TRIT1: variants seen among roughly 807,000 people sequenced by gnomAD.
TRIT1 encodes tRNA isopentenyltransferase 1, also known as tRNA dimethylallyltransferase.
A neutral mutation model predicts 51.2 loss-of-function variants in TRIT1; 43 were observed. That is an observed-to-expected ratio of 0.84 (90% CI 0.66 to 1.08). The LOEUF is 1.08. Among genes scored for constraint, TRIT1 ranks in the 50% least tolerant of loss-of-function variants. The pLI, the probability that TRIT1 is intolerant of heterozygous loss-of-function variation, is 0.00. For missense variants in TRIT1, 528 were observed against 578.4 expected, an observed-to-expected ratio of 0.91 and a Z score of 0.89; for synonymous variants, 184 against 203.9, an observed-to-expected ratio of 0.90 and a Z score of 0.83.
chr1:39,860,597 G>A (rs576596903), intron 1 of TRIT1, among the ~76,000 whole-genome samples: 2 of 152,248 alleles, frequency 1.3e-5, no homozygotes, highest in African/African-American at 4.8e-5. Flanking sequence ...GTACATTAAA[G>A]TACAATAAAT....
At chr1:39,857,578 G>A (rs1489469819) in intron 1 of TRIT1, among the ~76,000 whole-genome samples, 161 bp from the exon 2 acceptor site, 2 of 152,104 alleles carry the variant, frequency 1.3e-5, no homozygotes, top group Non-Finnish European at 2.9e-5. Flanking sequence ...CCAGATCCAC[G>A]AAACCCAAAA....
intron 5 of TRIT1, among the ~76,000 whole-genome samples, chr1:39,848,696 G>A (rs1054467821): frequency 9.9e-5 from 15 of 151,596 alleles, no homozygotes; most frequent in African/African-American, 1.9e-4. Flanking sequence ...AGTGGCGCGC[G>A]CCTGTAATCC....
Position 39,875,360 on chromosome 1 carries a change from C to T in TRIT1, c.174+7958G>A, listed in dbSNP as rs145777430. On this transcript the variant is annotated intron_variant, in intron 1 of 10. Transcript: ENST00000316891. Reference sequence around the variant, plus strand: ...AAAATTAGCCAGGCGTGGTGGCATGCGTCTGTAATCCCAGCTACTCAGGAG... The same window carrying T: ...AAAATTAGCCAGGCGTGGTGGCATGTGTCTGTAATCCCAGCTACTCAGGAG... Among the ~76,000 whole-genome samples the T allele has an allele frequency of 5.1e-3, 779 of 152,042 alleles. 9 individuals are homozygous for T. The highest frequency in any genetic ancestry group is 0.031 in the Middle Eastern group (9 of 294).
chr1:39,854,046 T>C lies in TRIT1; in HGVS notation c.338A>G (p.Asp113Gly), dbSNP rs1642749984. The change falls in exon 3 of 11, where the codon GAC becomes GGC. Residue 113 changes from aspartate (D) to glycine (G), a missense_variant. Transcript: ENST00000316891. Reference sequence around the variant, plus strand: ...TCCTCCCACAACAATAGGAATTTTGTCTCGGGCAAATATATCTTCAATGTG... The same window carrying C: ...TCCTCCCACAACAATAGGAATTTTGCCTCGGGCAAATATATCTTCAATGTG... ...TALIEDIFAR[D>G]KIPIVVGGTN... is the part of the protein sequence containing the mutation. 1 of 1,611,204 alleles carries C rather than the reference T, an allele frequency of 6.2e-7. No homozygotes were observed. The highest frequency in any genetic ancestry group is 8.5e-7 in the Non-Finnish European group (1 of 1,178,818).
At chr1:39,877,564 T>C (rs1284711700) in intron 1 of TRIT1, among the ~76,000 whole-genome samples, 1 of 152,184 alleles carries the variant, frequency 6.6e-6, no homozygotes, top group Non-Finnish European at 1.5e-5. Flanking sequence ...CAGAACACTT[T>C]GTTTCTTTTC....
At chr1:39,868,441 G>A (rs975295605) in intron 1 of TRIT1, among the ~76,000 whole-genome samples, 24 of 149,938 alleles carry the variant, frequency 1.6e-4, no homozygotes, top group Non-Finnish European at 3.3e-4. Flanking sequence ...GCAGGACTTC[G>A]AGACCAGCCT....
chr1:39,863,926 GC>G (rs1464823904), intron 1 of TRIT1, among the ~76,000 whole-genome samples: 1 of 152,104 alleles, frequency 6.6e-6, no homozygotes, highest in Non-Finnish European at 1.5e-5. Flanking sequence ...GAGACATCTG[GC>G]AATGTCCAGG....
chr1:39,848,076 T>C lies in TRIT1; in HGVS notation c.725A>G (p.Lys242Arg). ...AGCAGCAAGCATGTCATCCACCCTC[T>C]TATCCAAGCGCTCATCTAGAACTTG... ...DQAVLDERLD[K>R]RVDDMLAAGL... The change falls in exon 6 of 11, where the codon AAG becomes AGG. Residue 242 changes from lysine to arginine, a missense_variant. Transcript: ENST00000316891. 1 of 1,614,146 alleles carries C rather than the reference T, an allele frequency of 6.2e-7. No homozygotes were observed. Among genetic ancestry groups the C allele is most frequent in the Non-Finnish European group, 8.5e-7 (1 of 1,180,018 alleles).
intron 6 of TRIT1, 124 bp downstream of exon 6, chr1:39,847,862 T>A (rs1642322980): frequency 1.5e-6 from 2 of 1,355,150 alleles, no homozygotes; most frequent in Non-Finnish European, 2.0e-6. Flanking sequence ...GTCTGAAAGA[T>A]TAAAAAACTG....
chr1:39,852,315 A>G (rs1007047113), intron 4 of TRIT1, among the ~76,000 whole-genome samples: 1 of 152,214 alleles, frequency 6.6e-6, no homozygotes, highest in African/African-American at 2.4e-5. Context: ...CTGATCTGTG[A>G]GACAGTTAAT....
rs1642327933 is a variant in TRIT1 at position 39,847,932 on chromosome 1, T to TTTGA, written c.815+50_815+53dup. The stretch of plus-strand genomic sequence containing the variant: ...AAAGCCAGTATTAGCGTTATGGTCT[T>TTTGA]TTGATTGTCTGCAAAATATGGACAG... On this transcript the variant is annotated intron_variant, in intron 6 of 10. Transcript: ENST00000316891. 1.6e-5 allele frequency: 25 copies of TTTGA among 1,539,664 alleles called. No individual in the cohort carries two copies. In the East Asian group the frequency reaches 5.6e-4, roughly 35 times the overall value.
intron 1 of TRIT1, among the ~76,000 whole-genome samples, chr1:39,874,691 G>C (rs1421643929): frequency 6.6e-6 from 1 of 150,632 alleles, no homozygotes; most frequent in African/African-American, 2.4e-5. Context: ...TTGAGATGGA[G>C]TTTCGCTCTT....
chr1:39,874,017 A>AAAAAAT (rs984975113), intron 1 of TRIT1, among the ~76,000 whole-genome samples: 19 of 152,248 alleles, frequency 1.2e-4, no homozygotes, highest in African/African-American at 4.1e-4. Context: ...CTCTGTCTCA[A>AAAAAAT]AAAAATAAAA....
chr1:39,869,305 G>A (rs1022727540), intron 1 of TRIT1, among the ~76,000 whole-genome samples: 12 of 152,224 alleles, frequency 7.9e-5, no homozygotes, highest in East Asian at 1.9e-4. Flanking sequence ...GGGTTTCGCC[G>A]TGTTGGCCGG....
At chr1:39,871,054 G>A (rs1020382203) in intron 1 of TRIT1, among the ~76,000 whole-genome samples, 3 of 152,158 alleles carry the variant, frequency 2.0e-5, no homozygotes, top group East Asian at 1.9e-4. Context: ...TTAGCTGGGC[G>A]TGGTCGCACA....
intron 8 of TRIT1, among the ~76,000 whole-genome samples, chr1:39,846,774 A>G (rs1381581972): frequency 6.6e-6 from 1 of 152,200 alleles, no homozygotes; most frequent in African/African-American, 2.4e-5. Context: ...TTTCATTTGA[A>G]GCAATCTGAA....
intron 1 of TRIT1, among the ~76,000 whole-genome samples, chr1:39,880,175 A>AAC (rs1557590845): frequency 6.8e-6 from 1 of 147,306 alleles, no homozygotes; most frequent in Non-Finnish European, 1.5e-5. Context: ...CTCCGTCTCA[A>AAC]AACAACAACA....
chr1:39,854,746 C>T (rs988811078), intron 2 of TRIT1, among the ~76,000 whole-genome samples: 3 of 152,136 alleles, frequency 2.0e-5, no homozygotes, highest in African/African-American at 7.2e-5. Context: ...TTTACTATAG[C>T]CACTATTGTT....
chr1:39,864,710 G>C (rs7516259), intron 1 of TRIT1, among the ~76,000 whole-genome samples: 27,731 of 151,562 alleles, frequency 0.18, 2,682 homozygotes, highest in Non-Finnish European at 0.22. Flanking sequence ...AGTTTTTTAC[G>C]TGTACAGCCA....
Sources: allele counts gnomAD v4.1 joint callset (sites outside exome capture counted in the v4.1 genomes callset), GRCh38; gene constraint gnomAD v4.1.1; transcripts MANE v1.5; gene names NCBI Gene and HGNC (gene_info 2026-07-23, HGNC 2026-07-21).